Variants in PDE8B observed in about 807,000 individuals in gnomAD.
The protein encoded by PDE8B is phosphodiesterase 8B.
In PDE8B, 26 loss-of-function variants were observed where a neutral mutation model predicts 101.3. The ratio of observed to expected loss-of-function variants is 0.26; its 90% CI spans 0.19 to 0.36. PDE8B has a LOEUF of 0.36. Ranked by LOEUF, PDE8B falls within the 10% of genes least tolerant of loss-of-function variation. PDE8B has a pLI of 1.00. For missense variants in PDE8B, 810 were observed against 1,163.1 expected (o/e 0.70, Z 4.42); for synonymous variants, 424 against 429.3 (o/e 0.99, Z 0.15).
intron 7 of PDE8B, among the ~76,000 whole-genome samples, chr5:77,345,231 A>G (rs1779936018): frequency 6.6e-6 from 1 of 152,216 alleles, no homozygotes; most frequent in Non-Finnish European, 1.5e-5. Flanking sequence ...TACAGAGGTA[A>G]TCTTGGCTCA....
chr5:77,325,301 G>T (rs1171585520), intron 2 of PDE8B, among the ~76,000 whole-genome samples: 2 of 152,166 alleles, frequency 1.3e-5, no homozygotes, highest in African/African-American at 4.8e-5. Flanking sequence ...CTGAGTAGTG[G>T]AGACCACAGG....
At chr5:77,350,649 T>A (rs1326172251) in intron 8 of PDE8B, among the ~76,000 whole-genome samples, 2 of 152,080 alleles carry the variant, frequency 1.3e-5, no homozygotes, top group East Asian at 3.9e-4. Context: ...ATACGCAGAT[T>A]TTCTGCATCC....
At chr5:77,124,677 G>A in the PDE8B span, among the ~76,000 whole-genome samples, 15 of 151,722 alleles carry the variant, frequency 9.9e-5, no homozygotes, top group Admixed American at 2.0e-4. Flanking sequence ...GATTTATAAA[G>A]GACTAAACTC....
At chr5:77,302,525 G>T (rs987544917) in intron 1 of PDE8B, among the ~76,000 whole-genome samples, 16 of 152,180 alleles carry the variant, frequency 1.1e-4, no homozygotes, top group Admixed American at 8.5e-4. Context: ...CGGGTGCCTT[G>T]TGCCAAACGT....
At chr5:77,422,221 G>A (rs1796807130) in intron 20 of PDE8B, among the ~76,000 whole-genome samples, 1 of 152,186 alleles carries the variant, frequency 6.6e-6, no homozygotes, top group Non-Finnish European at 1.5e-5. Context: ...CTGAGCCTTT[G>A]GAAGTAACTT....
chr5:77,414,630 C>CCATGTTGG (rs1448286361), intron 17 of PDE8B, among the ~76,000 whole-genome samples: 2 of 150,856 alleles, frequency 1.3e-5, no homozygotes. Context: ...CAGGGTTTCA[C>CCATGTTGG]CATGTTGGCC....
chr5:77,325,037 G>A (rs1775784076), intron 2 of PDE8B, among the ~76,000 whole-genome samples: 1 of 152,158 alleles, frequency 6.6e-6, no homozygotes, highest in Non-Finnish European at 1.5e-5. Context: ...AGGCCAAAGA[G>A]GTGAAATACC....
intron 1 of PDE8B, among the ~76,000 whole-genome samples, chr5:77,212,403 A>G (rs1215052576): frequency 1.3e-5 from 2 of 152,134 alleles, no homozygotes; most frequent in African/African-American, 2.4e-5. Flanking sequence ...GAAGGATAAC[A>G]TGTTTTGGCT....
the PDE8B span, among the ~76,000 whole-genome samples, chr5:77,110,270 G>A: frequency 3.3e-5 from 5 of 151,886 alleles, no homozygotes; most frequent in Middle Eastern, 3.4e-3. Flanking sequence ...AATGGCCAGC[G>A]CTTTTTTTTT....
the PDE8B span, among the ~76,000 whole-genome samples, chr5:77,157,804 G>C: frequency 6.6e-6 from 1 of 152,160 alleles, no homozygotes; most frequent in Non-Finnish European, 1.5e-5. Flanking sequence ...GTTGCCTAAG[G>C]TCACCAGGTT....
chr5:77,254,981 G>A (rs4704399), intron 1 of PDE8B, among the ~76,000 whole-genome samples: 85,046 of 152,050 alleles, frequency 0.56, 23,864 homozygotes, highest in South Asian at 0.62. Flanking sequence ...AGAATCTTTC[G>A]TTTCTGTTGC....
At chr5:77,357,430 G>T (rs542358112) in intron 10 of PDE8B, among the ~76,000 whole-genome samples, 433 of 152,286 alleles carry the variant, frequency 2.8e-3, no homozygotes, top group Non-Finnish European at 4.5e-3. Flanking sequence ...ATGACCTCCT[G>T]CCCTTTTGTG....
the PDE8B span, among the ~76,000 whole-genome samples, chr5:77,116,224 A>ATAT: frequency 3.5e-4 from 21 of 59,608 alleles, no homozygotes; most frequent in Non-Finnish European, 4.6e-4. Flanking sequence ...ATATATATAT[A>ATAT]TTTTTTTTTT....
chr5:77,210,375 G>T, upstream of PDE8B: 1 of 152,170 alleles, frequency 6.6e-6, no homozygotes, highest in South Asian at 1.9e-4. The surrounding 1 kb of genome is among the most constrained non-coding windows in gnomAD (Gnocchi z 4.9). Flanking sequence ...GCGGCGGGAG[G>T]GGCGGAGGGG....
chr5:77,126,297 A>C, the PDE8B span, among the ~76,000 whole-genome samples: 43 of 152,228 alleles, frequency 2.8e-4, no homozygotes, highest in Non-Finnish European at 5.0e-4. Flanking sequence ...AAAAAAAAAA[A>C]AGTTAGTTAC....
chr5:77,191,819 A>G, the PDE8B span, among the ~76,000 whole-genome samples: 1 of 152,210 alleles, frequency 6.6e-6, no homozygotes, highest in African/African-American at 2.4e-5. Context: ...ATTGTAATAT[A>G]TAATGAAATA....
chr5:77,106,552 G>T, the PDE8B span, among the ~76,000 whole-genome samples: 1 of 152,056 alleles, frequency 6.6e-6, no homozygotes. Flanking sequence ...TAGTTTTATA[G>T]AAAGTATTAA....
intron 10 of PDE8B, among the ~76,000 whole-genome samples, chr5:77,363,901 C>T (rs894902505): frequency 2.6e-5 from 4 of 152,098 alleles, no homozygotes; most frequent in African/African-American, 9.7e-5. Flanking sequence ...GGCCTGGCTT[C>T]CTCCACAGTC....
chr5:77,129,258 C>A, the PDE8B span, among the ~76,000 whole-genome samples: 1 of 152,052 alleles, frequency 6.6e-6, no homozygotes, highest in Non-Finnish European at 1.5e-5. Context: ...GTTATAGCTA[C>A]CTGAGGATTT....
Sources: allele counts gnomAD v4.1 joint callset (sites outside exome capture counted in the v4.1 genomes callset), GRCh38; gene constraint gnomAD v4.1.1; non-coding constraint Gnocchi (gnomAD v3.1); transcripts MANE v1.5; gene names NCBI Gene and HGNC (gene_info 2026-07-23, HGNC 2026-07-21).